The following DLG2 variants were observed in gnomAD, a reference collection of about 807,000 sequenced individuals.
DLG2 encodes discs large MAGUK scaffold protein 2.
DLG2 carries 45 observed loss-of-function variants against 132.5 expected under a neutral mutation model. That is an observed-to-expected ratio of 0.34 (90% CI 0.27 to 0.44). The LOEUF is 0.44. DLG2 is among the 20% of genes least tolerant of loss of function. DLG2 has a pLI of 1.00. For missense variants in DLG2, 1,045 were observed against 1,196.9 expected (o/e 0.87, Z 1.87); for synonymous variants, 424 against 419.6 (o/e 1.01, Z -0.13).
intron 7 of DLG2, among the ~76,000 whole-genome samples, chr11:84,354,009 A>C (rs1307289396): frequency 2.6e-5 from 4 of 152,188 alleles, no homozygotes; most frequent in African/African-American, 9.7e-5. Context: ...ATGCTCAAAT[A>C]ACCTCTAGGA....
intron 4 of DLG2, among the ~76,000 whole-genome samples, chr11:85,253,580 C>T (rs115791859): frequency 1.5e-3 from 224 of 152,206 alleles, no homozygotes; most frequent in African/African-American, 5.2e-3. Context: ...GCCTGCGACC[C>T]CTGAAGCTCC....
intron 6 of DLG2, among the ~76,000 whole-genome samples, chr11:84,866,471 C>A (rs182124521): frequency 6.6e-6 from 1 of 152,268 alleles, no homozygotes; most frequent in African/African-American, 2.4e-5. Context: ...AGAAAAGAAT[C>A]AGAGTGCGAG....
chr11:84,503,606 C>A (rs1357194123), intron 7 of DLG2, among the ~76,000 whole-genome samples: 1 of 152,146 alleles, frequency 6.6e-6, no homozygotes, highest in Non-Finnish European at 1.5e-5. Flanking sequence ...GGCCAAGCTA[C>A]CCTCATTTCC....
At chr11:84,113,498 T>A (rs975983940) in intron 9 of DLG2, among the ~76,000 whole-genome samples, 1 of 152,176 alleles carries the variant, frequency 6.6e-6, no homozygotes, top group African/African-American at 2.4e-5. Flanking sequence ...TAATTGCCAA[T>A]ATTTGTGGTC....
In DLG2 at chr11:84,060,225, T is replaced by C. The variant is rs560123740; in HGVS notation, c.750-741A>G. ...TACTTGGGAGGCTGAGAAAAGAGAA[T>C]TGCTTGAATCCCGAGGGTGGAGGTT... On this transcript the variant is annotated intron_variant, in intron 10 of 27. Transcript: ENST00000376104. 1.7e-3 allele frequency among the ~76,000 whole-genome samples: 253 copies of C among 152,178 alleles called. 1 individual carries two copies. Among genetic ancestry groups the C allele is most frequent in the African/African-American group, 5.7e-3 (236 of 41,504 alleles).
chr11:85,026,590 C>A (rs1180844346), intron 6 of DLG2, among the ~76,000 whole-genome samples: 2 of 152,092 alleles, frequency 1.3e-5, no homozygotes, highest in Non-Finnish European at 1.5e-5. Flanking sequence ...ATAATCCCAG[C>A]ACTTTAGGAG....
Position 84,586,874 on chromosome 11 carries a change from A to G in DLG2, c.358-52143T>C, listed in dbSNP as rs184984607. Among the ~76,000 whole-genome samples, 414 of 152,302 alleles carry G rather than the reference A, an allele frequency of 2.7e-3. 1 individual carries two copies. Among genetic ancestry groups the G allele is most frequent in the Middle Eastern group, 6.8e-3 (2 of 294 alleles). On this transcript the variant is annotated intron_variant, in intron 6 of 27. Transcript: ENST00000376104. ...TGCTTTGCCATCCCCATCCTCCAAA[A>G]AAGTACAAAGACTTGAAATCTGATT...
At chr11:84,758,324 G>C (rs1384130219) in intron 6 of DLG2, among the ~76,000 whole-genome samples, 1 of 152,188 alleles carries the variant, frequency 6.6e-6, no homozygotes, top group Non-Finnish European at 1.5e-5. Flanking sequence ...GTTAGAACTT[G>C]AGTTGAATTC....
At chr11:84,703,857 G>GATATATATATATATATATATATATATAT (rs5793132) in intron 6 of DLG2, among the ~76,000 whole-genome samples, 96 of 102,628 alleles carry the variant, frequency 9.4e-4, no homozygotes, top group South Asian at 1.4e-3. Context: ...ATGTAGTGAA[G>GATATATATATATATATATATATATATAT]ATATATATAT....
At chr11:83,513,307 T>A (rs1271520379) in intron 21 of DLG2, among the ~76,000 whole-genome samples, 23 of 152,242 alleles carry the variant, frequency 1.5e-4, no homozygotes, top group Admixed American at 9.8e-4. Flanking sequence ...CATGTGTCTG[T>A]TGGTAGCATA....
intron 8 of DLG2, among the ~76,000 whole-genome samples, chr11:84,238,016 C>G (rs1405733691): frequency 1.4e-5 from 2 of 141,186 alleles, no homozygotes; most frequent in East Asian, 4.2e-4. Context: ...TGCACTCCAG[C>G]CCGGGCGACA....
intron 11 of DLG2, among the ~76,000 whole-genome samples, chr11:83,985,452 A>T (rs185021894): frequency 1.3e-5 from 2 of 152,128 alleles, no homozygotes; most frequent in Non-Finnish European, 2.9e-5. Context: ...TCAACCCATC[A>T]ATGTGATATT....
At chr11:84,112,081 T>G (rs1189221493) in intron 9 of DLG2, among the ~76,000 whole-genome samples, 1 of 152,026 alleles carries the variant, frequency 6.6e-6, no homozygotes, top group African/African-American at 2.4e-5. Flanking sequence ...GGCGCGATCT[T>G]GGCTCACTGC....
chr11:84,877,236 T>G (rs2086499553), intron 6 of DLG2, among the ~76,000 whole-genome samples: 1 of 152,090 alleles, frequency 6.6e-6, no homozygotes. Flanking sequence ...GTCCTGAATA[T>G]TCTTGTTAAT....
chr11:84,143,229 T>TTGAAGTAA (rs2094931999), intron 9 of DLG2, among the ~76,000 whole-genome samples: 1 of 152,152 alleles, frequency 6.6e-6, no homozygotes, highest in African/African-American at 2.4e-5. Flanking sequence ...GAAGAAAGCC[T>TTGAAGTAA]TGAAGTAATG....
chr11:85,585,742 C>T (rs1490199513), intron 3 of DLG2, among the ~76,000 whole-genome samples: 2 of 148,840 alleles, frequency 1.3e-5, no homozygotes, highest in Non-Finnish European at 3.0e-5. Context: ...AAGATGGAGT[C>T]TCACTCTGTC....
chr11:84,275,377 C>T (rs750334574), intron 7 of DLG2, among the ~76,000 whole-genome samples: 15 of 151,238 alleles, frequency 9.9e-5, no homozygotes, highest in Non-Finnish European at 1.6e-4. Context: ...TTTCTTGAGA[C>T]GGAGTCTCGC....
intron 6 of DLG2, among the ~76,000 whole-genome samples, chr11:84,904,805 C>A (rs2091314516): frequency 6.6e-6 from 1 of 152,152 alleles, no homozygotes; most frequent in African/African-American, 2.4e-5. Context: ...CTGAATACAC[C>A]ACAATTTCTT....
intron 7 of DLG2, among the ~76,000 whole-genome samples, chr11:84,462,432 C>G (rs955470761): frequency 2.7e-5 from 4 of 150,840 alleles, no homozygotes; most frequent in Non-Finnish European, 5.9e-5. Context: ...ACACAGTGAC[C>G]ACTGTGCTTT....
Sources: allele counts gnomAD v4.1 joint callset (sites outside exome capture counted in the v4.1 genomes callset), GRCh38; gene constraint gnomAD v4.1.1; transcripts MANE v1.5; gene names NCBI Gene and HGNC (gene_info 2026-07-23, HGNC 2026-07-21).